ZC3HC1: variants seen among roughly 807,000 people sequenced by gnomAD.
ZC3HC1 encodes zinc finger C3HC-type protein 1.
ZC3HC1 carries 38 observed loss-of-function variants against 61.9 expected under a neutral mutation model. That is an observed-to-expected ratio of 0.61 (90% confidence interval 0.47 to 0.81). ZC3HC1 has a LOEUF of 0.81. Among genes scored for constraint, ZC3HC1 ranks in the 30% least tolerant of loss-of-function variants. ZC3HC1 has a pLI of 0.00. For missense variants in ZC3HC1, 554 were observed against 622.7 expected (o/e 0.89, Z 1.17); for synonymous variants, 213 against 229.9 (o/e 0.93, Z 0.67).
At chr7:130,026,433 C>CTTCT (rs1338582588) in intron 5 of ZC3HC1, 121 bp from the exon 6 acceptor site, 1 of 1,015,026 alleles carries the variant, frequency 9.9e-7, no homozygotes, top group East Asian at 2.6e-5. Context: ...CATGAAGATA[C>CTTCT]TTCTCTTCAC....
chr7:130,019,054 C>CTT lies in ZC3HC1; in HGVS notation c.1441-324_1441-323dup, dbSNP rs397746688. 1.3e-3 allele frequency among the ~76,000 whole-genome samples: 172 copies of CTT among 132,972 alleles called. 2 individuals are homozygous for CTT. The highest frequency in any genetic ancestry group is 1.7e-3 in the Non-Finnish European group (106 of 62,834). 87.2% of individuals were successfully genotyped at this position (132,972 alleles called of 152,430 possible). On this transcript the variant is annotated intron_variant, in intron 9 of 9. Transcript: ENST00000358303. ...CAGCACATGTTTTGCACTGGTTTTT[C>CTT]TTTTTTTTTTTTTTTTTGAGACGGA...
intron 4 of ZC3HC1, among the ~76,000 whole-genome samples, chr7:130,029,267 G>C (rs568961395): frequency 6.6e-6 from 1 of 151,954 alleles, no homozygotes; most frequent in Non-Finnish European, 1.5e-5. Flanking sequence ...CCAGCTACTC[G>C]GGAGGCTAAG....
At chr7:130,041,208 G>A in intron 2 of ZC3HC1, 107 bp from the exon 3 acceptor site, 2 of 1,306,896 alleles carry the variant, frequency 1.5e-6, no homozygotes, top group Non-Finnish European at 2.1e-6. Flanking sequence ...TTGTTTTTGA[G>A]AAAAGTTCTC....
At chr7:130,027,478 T>C (rs1031428430) in intron 5 of ZC3HC1, 2 of 152,222 alleles carry the variant, frequency 1.3e-5, no homozygotes, top group Non-Finnish European at 2.9e-5. Flanking sequence ...GGTGATTAAA[T>C]GGAACAGTAA....
chr7:130,024,540 G>A, intron 6 of ZC3HC1, 34 bp from the exon 7 acceptor site: 2 of 1,577,124 alleles, frequency 1.3e-6, no homozygotes, highest in Non-Finnish European at 1.7e-6. Context: ...TTTTCTCAAA[G>A]TGTAACATTT....
Position 130,022,448 on chromosome 7 carries a change from G to A in ZC3HC1, c.1311C>T (p.Gly437=), listed in dbSNP as rs917088777. Residue 437 remains glycine, a synonymous_variant, in exon 9 of 10, where the codon GGC becomes GGT. Coordinates refer to ENST00000358303, the MANE Select transcript of ZC3HC1 (RefSeq NM_016478.5). ...DWCPWVNITL[G]KESRENGGTE... ...TTCCACCATTCTCCCTGCTTTCTTT[G>A]CCAAGTGTGATATTCACCCAAGGGC... is the stretch of plus-strand genomic sequence containing the variant. The A allele has an allele frequency of 1.2e-6, 2 of 1,611,426 alleles. No individual in the cohort carries two copies. The highest frequency in any genetic ancestry group is 3.4e-5 in the Admixed American group (2 of 59,642).
chr7:130,025,125 C>A (rs977163591), intron 6 of ZC3HC1, among the ~76,000 whole-genome samples: 10 of 149,874 alleles, frequency 6.7e-5, no homozygotes, highest in African/African-American at 4.9e-5. Flanking sequence ...AGGCTGGTCT[C>A]GAATTCCTGA....
At chr7:130,034,652 C>G (rs1794361069) in intron 4 of ZC3HC1, among the ~76,000 whole-genome samples, 1 of 152,030 alleles carries the variant, frequency 6.6e-6, no homozygotes, top group African/African-American at 2.4e-5. Flanking sequence ...TATGCCACCA[C>G]ATCTGGCTAA....
chr7:130,019,198 G>A (rs1212934294), intron 9 of ZC3HC1, among the ~76,000 whole-genome samples: 2 of 151,708 alleles, frequency 1.3e-5, no homozygotes, highest in Non-Finnish European at 2.9e-5. Context: ...ACAGGCACCC[G>A]CCACCACTCC....
Position 130,023,731 on chromosome 7 carries a change from A to C in ZC3HC1, c.1021-8T>G. 6.2e-7 allele frequency: 1 copy of C among 1,608,118 alleles called. No individual in the cohort carries two copies. Among genetic ancestry groups the C allele is most frequent in the Non-Finnish European group, 8.5e-7 (1 of 1,175,236 alleles). ...ACCAGGGCTCTTTTCAGCCTGAAGG[A>C]AAGGGGAGATAATGGAAGTACACGA... On this transcript the variant is annotated splice_region_variant and splice_polypyrimidine_tract_variant and intron_variant, in intron 7 of 9. Transcript: ENST00000358303. The surrounding 1 kb of genome is among the most constrained non-coding windows in gnomAD (Gnocchi z 4.2).
In ZC3HC1 at chr7:130,023,647, G is replaced by A. The variant is rs1584840639; in HGVS notation, c.1097C>T (p.Pro366Leu). The A allele has an allele frequency of 1.2e-6, 2 of 1,614,174 alleles. No individual in the cohort carries two copies. The highest frequency in any genetic ancestry group is 4.5e-5 in the East Asian group (2 of 44,876). The change falls in exon 8 of 10, where the codon CCA (proline) becomes CTA (leucine). Residue 366 changes from proline (P) to leucine (L), a missense_variant. Transcript: ENST00000358303. This position sits in a 1 kb window ranked among gnomAD's most constrained non-coding sequence, Gnocchi z 4.2. ...DSSSPVDRPE[P>L]EAASPTTRTR... ...TCTGGTGGTGGGGCTAGCAGCCTCT[G>A]GCTCAGGACGGTCAACAGGACTGGA...
intron 4 of ZC3HC1, among the ~76,000 whole-genome samples, chr7:130,034,695 T>C (rs564652384): frequency 6.6e-6 from 1 of 151,956 alleles, no homozygotes; most frequent in Non-Finnish European, 1.5e-5. Flanking sequence ...AGAGACAGGG[T>C]GCCCAGCCTG....
At chr7:130,021,112 G>A (rs1038289037) in intron 9 of ZC3HC1, among the ~76,000 whole-genome samples, 4 of 150,538 alleles carry the variant, frequency 2.7e-5, no homozygotes, top group Non-Finnish European at 4.4e-5. Context: ...TCACCATGTT[G>A]GCTAGGTTGT....
chr7:130,043,851 T>C (rs901093523), intron 2 of ZC3HC1: 1 of 455,764 alleles, frequency 2.2e-6, no homozygotes, highest in East Asian at 7.0e-5. Context: ...AAATGGGAGA[T>C]TAAGCACATA....
At chr7:130,049,779 T>C (rs1795004672) in intron 1 of ZC3HC1, among the ~76,000 whole-genome samples, 1 of 151,994 alleles carries the variant, frequency 6.6e-6, no homozygotes, top group Non-Finnish European at 1.5e-5. Context: ...CTGTAACTCC[T>C]GACTTTGTGA....
intron 1 of ZC3HC1, among the ~76,000 whole-genome samples, chr7:130,050,714 T>G (rs1335627015): frequency 6.6e-6 from 1 of 152,200 alleles, no homozygotes; most frequent in Non-Finnish European, 1.5e-5. Context: ...TACTTCAAAA[T>G]TATGGTTGAC....
chr7:130,026,402 A>C lies in ZC3HC1; in HGVS notation c.622-90T>G, dbSNP rs1396329694. 3 of 1,357,742 alleles carry C rather than the reference A, an allele frequency of 2.2e-6. No homozygotes were observed. In the African/African-American group the frequency reaches 4.4e-5, roughly 20 times the overall value. The allele number at this position is 1,357,742 out of a possible 1,614,324, so 84.1% of individuals were successfully genotyped here. A position where few individuals can be genotyped will look rare whatever the true frequency, so the allele number is the denominator to read the frequency against. ...ACATACCTAGATGGTACAAGCCGAAAATCAGGAAGGAAATTACAAACATGA... is the reference window on the plus strand; with the variant it reads ...ACATACCTAGATGGTACAAGCCGAACATCAGGAAGGAAATTACAAACATGA... On this transcript the variant is annotated intron_variant, in intron 5 of 9. Transcript: ENST00000358303.
chr7:130,022,369 T>C lies in ZC3HC1; in HGVS notation c.1390A>G (p.Ile464Val), dbSNP rs1563073338. The C allele has an allele frequency of 1.2e-6, 2 of 1,614,046 alleles. No homozygotes were observed. Among genetic ancestry groups the C allele is most frequent in the Non-Finnish European group, 1.7e-6 (2 of 1,179,994 alleles). ...CTAGACTGTTTGTGCGCCAAGAGGA[T>C]GGTCAGCACTGCTTTCCAGCCTGGC... ...AEPGWKAVLT[I>V]LLAHKQSSQP... The change falls in exon 9 of 10, where the codon ATC (isoleucine) becomes GTC (valine). Residue 464 changes from isoleucine (I) to valine (V), a missense_variant. By Grantham distance (29) the Ile-to-Val change is conservative (BLOSUM62 3). Transcript: ENST00000358303.
At chr7:130,041,141 T>G in intron 2 of ZC3HC1, 40 bp from the exon 3 acceptor site, 1 of 1,423,620 alleles carries the variant, frequency 7.0e-7, no homozygotes, top group Non-Finnish European at 9.5e-7. Context: ...AATATATATA[T>G]ATATGTGTGT....
Sources: allele counts gnomAD v4.1 joint callset (sites outside exome capture counted in the v4.1 genomes callset), GRCh38; gene constraint gnomAD v4.1.1; non-coding constraint Gnocchi (gnomAD v3.1); transcripts MANE v1.5; gene names NCBI Gene and HGNC (gene_info 2026-07-23, HGNC 2026-07-21).